SAMMSON: variants seen among roughly 807,000 people sequenced by gnomAD.
SAMMSON encodes survival associated mitochondrial melanoma specific oncogenic non-coding RNA.
At chr3:70,398,362 G>A (rs1701109970) in intron 2 of SAMMSON, among the ~76,000 whole-genome samples, 1 of 152,010 alleles carries the variant, frequency 6.6e-6, no homozygotes. Context: ...ATAATTTTGT[G>A]GATCATATCT....
At chr3:70,252,764 C>T (rs1026127526) in intron 6 of SAMMSON, among the ~76,000 whole-genome samples, 2 of 151,996 alleles carry the variant, frequency 1.3e-5, no homozygotes, top group African/African-American at 4.8e-5. Flanking sequence ...GTGAACAAAA[C>T]AAACTAAACC....
At chr3:70,013,790 G>A (rs2066968950) in intron 3 of SAMMSON, 1 of 152,106 alleles carries the variant, frequency 6.6e-6, no homozygotes, top group Non-Finnish European at 1.5e-5. Flanking sequence ...CTTTCTTATT[G>A]CAGCTTTAGA....
intron 4 of SAMMSON, among the ~76,000 whole-genome samples, chr3:70,213,660 G>T (rs187138808): frequency 6.6e-6 from 1 of 152,170 alleles, no homozygotes; most frequent in Admixed American, 6.5e-5. Context: ...TTTTTCCTTT[G>T]TATGAAAATT....
intron 7 of SAMMSON, among the ~76,000 whole-genome samples, chr3:70,314,194 G>C (rs1279208246): frequency 6.6e-6 from 1 of 151,884 alleles, no homozygotes; most frequent in Non-Finnish European, 1.5e-5. Flanking sequence ...TGCAACCAAG[G>C]GCCTAGCCTC....
chr3:70,065,864 G>T (rs1417109653), intron 3 of SAMMSON, among the ~76,000 whole-genome samples: 1 of 152,182 alleles, frequency 6.6e-6, no homozygotes. Context: ...TTCACCGCTG[G>T]TTGCCAACAG....
chr3:70,130,728 C>T (rs1405493920), intron 4 of SAMMSON, among the ~76,000 whole-genome samples: 2 of 152,148 alleles, frequency 1.3e-5, no homozygotes, highest in East Asian at 3.9e-4. Flanking sequence ...CCAACACCTT[C>T]AACTAGGTTC....
Position 70,290,430 on chromosome 3 carries a change from G to T in SAMMSON, n.675-749G>T, listed in dbSNP as rs568833211. Among the ~76,000 whole-genome samples, 51 of 152,326 alleles carry T rather than the reference G, an allele frequency of 3.3e-4. No homozygotes were observed. In the South Asian group the frequency reaches 0.01, roughly 31 times the overall value. On this transcript the variant is annotated intron_variant and non_coding_transcript_variant, in intron 6 of 9. Coordinates refer to ENST00000642114, the Ensembl canonical transcript of SAMMSON. ...CAGTCTGCCCCTTCTCAGATCTCCA[G>T]CTGCGTACTGGGAGAACCACTGCTC...
intron 4 of SAMMSON, among the ~76,000 whole-genome samples, chr3:70,189,050 T>G (rs1454307461): frequency 2.0e-5 from 3 of 152,090 alleles, no homozygotes; most frequent in Admixed American, 2.0e-4. Flanking sequence ...CAATTTTGAG[T>G]GCCTAAGTAA....
At chr3:70,009,736 G>A (rs2066945787) in intron 1 of SAMMSON, among the ~76,000 whole-genome samples, 1 of 150,584 alleles carries the variant, frequency 6.6e-6, no homozygotes, top group Non-Finnish European at 1.5e-5. Flanking sequence ...ATGTTAGGGT[G>A]TCAATTTTAG....
At chr3:70,344,820 C>T (rs947068150) in intron 7 of SAMMSON, among the ~76,000 whole-genome samples, 6 of 152,174 alleles carry the variant, frequency 3.9e-5, no homozygotes, top group African/African-American at 1.2e-4. Flanking sequence ...AGAACTCTGC[C>T]GTTTCATTAC....
chr3:70,217,700 A>G (rs1701428324), intron 4 of SAMMSON, among the ~76,000 whole-genome samples: 1 of 152,132 alleles, frequency 6.6e-6, no homozygotes, highest in African/African-American at 2.4e-5. Flanking sequence ...AATCTCTTGC[A>G]TGATATCGAA....
At chr3:70,147,094 G>A (rs1160195890) in intron 4 of SAMMSON, among the ~76,000 whole-genome samples, 1 of 151,866 alleles carries the variant, frequency 6.6e-6, no homozygotes, top group Non-Finnish European at 1.5e-5. Flanking sequence ...GGAATACTTG[G>A]TTACAAATCT....
chr3:70,100,524 G>C (rs796413546), intron 4 of SAMMSON, among the ~76,000 whole-genome samples: 2 of 1,516 alleles, frequency 1.3e-3, no homozygotes, highest in Admixed American at 0.024. Context: ...GTGGGGGGGG[G>C]GGGGGGGGGA....
intron 3 of SAMMSON, among the ~76,000 whole-genome samples, chr3:70,054,728 G>A (rs1472531723): frequency 3.9e-5 from 6 of 152,052 alleles, no homozygotes; most frequent in African/African-American, 1.4e-4. Flanking sequence ...TGGTGGAGCG[G>A]GCAGTGGGCA....
At chr3:70,088,304 G>GCCC (rs2067292882) in intron 4 of SAMMSON, among the ~76,000 whole-genome samples, 1 of 152,190 alleles carries the variant, frequency 6.6e-6, no homozygotes. Context: ...CTGTGCCTAT[G>GCCC]CCCAACCATG....
At chr3:70,105,876 C>A (rs934822679) in intron 4 of SAMMSON, among the ~76,000 whole-genome samples, 2 of 152,060 alleles carry the variant, frequency 1.3e-5, no homozygotes, top group Non-Finnish European at 2.9e-5. Context: ...ATTTCATGAG[C>A]CCCACCTGGG....
At chr3:70,284,468 A>G (rs548038432) in intron 6 of SAMMSON, among the ~76,000 whole-genome samples, 3 of 152,216 alleles carry the variant, frequency 2.0e-5, no homozygotes, top group African/African-American at 7.2e-5. Context: ...GAACCCATTT[A>G]CTCACACAGC....
At chr3:70,192,521 A>T (rs1701138461) in intron 4 of SAMMSON, among the ~76,000 whole-genome samples, 1 of 152,142 alleles carries the variant, frequency 6.6e-6, no homozygotes, top group Non-Finnish European at 1.5e-5. Context: ...CCACATTGTA[A>T]ATTGTGGCCC....
chr3:70,282,507 A>C (rs76625907), intron 6 of SAMMSON, among the ~76,000 whole-genome samples: 1,995 of 152,278 alleles, frequency 0.013, 34 homozygotes, highest in African/African-American at 0.045. Flanking sequence ...CTCTGGTTTT[A>C]GCTCTTATCA....
Sources: allele counts gnomAD v4.1 joint callset (sites outside exome capture counted in the v4.1 genomes callset), GRCh38; gene constraint gnomAD v4.1.1; transcripts MANE v1.5; gene names NCBI Gene and HGNC (gene_info 2026-07-23, HGNC 2026-07-21).